TRPC4AP: variants seen among roughly 807,000 people sequenced by gnomAD.
TRPC4AP encodes the protein transient receptor potential cation channel subfamily C member 4 associated protein.
In TRPC4AP, 45 loss-of-function variants were observed where a neutral mutation model predicts 99.0. The ratio of observed to expected loss-of-function variants is 0.45; its 90% confidence interval spans 0.36 to 0.58. The LOEUF is 0.58. TRPC4AP is among the 20% of genes least tolerant of loss of function. The pLI, the probability that TRPC4AP is intolerant of heterozygous loss-of-function variation, is 0.00. For synonymous variants in TRPC4AP, 408 were observed against 385.8 expected (o/e 1.06, Z -0.67); for missense variants, 879 against 985.3 (o/e 0.89, Z 1.44).
chr20:35,092,056 G>C (rs1005639191), intron 1 of TRPC4AP, among the ~76,000 whole-genome samples: 1 of 152,052 alleles, frequency 6.6e-6, no homozygotes. Context: ...GCGAGAAAAA[G>C]GCAGACAACA....
At chr20:35,008,956 C>A (rs2082572778) in intron 12 of TRPC4AP, among the ~76,000 whole-genome samples, 1 of 152,212 alleles carries the variant, frequency 6.6e-6, no homozygotes. Context: ...CATCTCAGGC[C>A]AGCTTTCCTT....
At chr20:35,050,785 A>G (rs6088692) in intron 5 of TRPC4AP, among the ~76,000 whole-genome samples, 88,798 of 151,564 alleles carry the variant, frequency 0.59, 27,046 homozygotes, top group Middle Eastern at 0.74. Flanking sequence ...AAGGAAGTTA[A>G]GGAAACTAGC....
chr20:35,060,040 C>T (rs549638965), intron 3 of TRPC4AP, among the ~76,000 whole-genome samples: 2 of 151,626 alleles, frequency 1.3e-5, no homozygotes, highest in African/African-American at 4.8e-5. Context: ...AAAAAACTAC[C>T]CATAAAGAAA....
At chr20:35,039,413 T>C (rs983535532) in intron 7 of TRPC4AP, among the ~76,000 whole-genome samples, 31 of 152,208 alleles carry the variant, frequency 2.0e-4, no homozygotes, top group Non-Finnish European at 1.0e-4. Flanking sequence ...CAATCATACC[T>C]AGCAACTCAT....
At chr20:35,057,611 A>G in intron 3 of TRPC4AP, 40 bp from the exon 4 acceptor site, 1 of 1,497,970 alleles carries the variant, frequency 6.7e-7, no homozygotes, top group Non-Finnish European at 9.3e-7. Context: ...AATTAATTCA[A>G]AGTATAACTT....
chr20:35,088,801 T>C (rs1385613623), intron 1 of TRPC4AP, among the ~76,000 whole-genome samples: 3 of 152,122 alleles, frequency 2.0e-5, no homozygotes, highest in Non-Finnish European at 4.4e-5. Context: ...AGATGATCCT[T>C]GAGGACATTA....
chr20:35,027,044 G>T (rs2083048407), intron 8 of TRPC4AP, among the ~76,000 whole-genome samples: 1 of 151,800 alleles, frequency 6.6e-6, no homozygotes. Flanking sequence ...TCTTTTTCTT[G>T]CCTAACTGCC....
Position 35,051,035 on chromosome 20 carries a change from C to CACACAT in TRPC4AP, c.529-1042_529-1041insATGTGT, listed in dbSNP as rs758466593. ...GAAACTGCAGTACTGCTATAGCTTA[C>CACACAT]ACACACACACACACACACACACACA... On this transcript the variant is annotated intron_variant, in intron 5 of 18. Coordinates refer to ENST00000252015, the MANE Select transcript of TRPC4AP (RefSeq NM_015638.3). 2.7e-3 allele frequency among the ~76,000 whole-genome samples: 83 copies of CACACAT among 30,756 alleles called. 1 individual carries two copies. Among genetic ancestry groups the CACACAT allele is most frequent in the African/African-American group, 6.7e-3 (80 of 11,884 alleles). The allele number at this position is 30,756 out of a possible 152,430, so 20.2% of individuals were successfully genotyped here.
chr20:35,055,942 A>G (rs2083815758), intron 4 of TRPC4AP, among the ~76,000 whole-genome samples: 1 of 152,350 alleles, frequency 6.6e-6, no homozygotes, highest in South Asian at 2.1e-4. Flanking sequence ...AGATGATGAA[A>G]CTGAGTATGA....
At chr20:35,023,430 G>C (rs917648340) in intron 8 of TRPC4AP, among the ~76,000 whole-genome samples, 2 of 152,198 alleles carry the variant, frequency 1.3e-5, no homozygotes, top group Admixed American at 6.5e-5. Flanking sequence ...GTTTTTCTGC[G>C]AATGCTTGCT....
intron 9 of TRPC4AP, among the ~76,000 whole-genome samples, chr20:35,016,984 T>A (rs1471466251): frequency 2.0e-5 from 3 of 151,986 alleles, no homozygotes; most frequent in Non-Finnish European, 4.4e-5. Context: ...CAGGGAAGAG[T>A]GTTTGGCAGT....
intron 1 of TRPC4AP, among the ~76,000 whole-genome samples, chr20:35,081,292 C>G (rs1310167807): frequency 6.6e-6 from 1 of 151,766 alleles, no homozygotes; most frequent in Non-Finnish European, 1.5e-5. Context: ...ACAGACAGAT[C>G]ACTTGAGCCC....
chr20:35,030,154 T>A (rs2083147459), intron 8 of TRPC4AP, among the ~76,000 whole-genome samples: 1 of 147,220 alleles, frequency 6.8e-6, no homozygotes, highest in South Asian at 2.1e-4. Context: ...GGTAGGGGAA[T>A]CACTTGAACC....
chr20:35,043,454 C>T (rs1464684351), intron 7 of TRPC4AP, among the ~76,000 whole-genome samples: 2 of 152,132 alleles, frequency 1.3e-5, no homozygotes, highest in South Asian at 4.1e-4. Flanking sequence ...GCCATGTTGG[C>T]CAGGCTGGTC....
chr20:35,070,184 T>C (rs1299258915), intron 2 of TRPC4AP, among the ~76,000 whole-genome samples: 2 of 152,136 alleles, frequency 1.3e-5, no homozygotes, highest in African/African-American at 4.8e-5. Flanking sequence ...GAGGAGCCAC[T>C]CAGTCAACCA....
intron 3 of TRPC4AP, among the ~76,000 whole-genome samples, chr20:35,066,369 A>G (rs1228514145): frequency 1.3e-5 from 2 of 152,160 alleles, no homozygotes; most frequent in African/African-American, 4.8e-5. Context: ...GGCCTCCTAA[A>G]GTGCTGGGAT....
intron 3 of TRPC4AP, among the ~76,000 whole-genome samples, chr20:35,065,581 C>G (rs537481055): frequency 4.6e-4 from 70 of 152,304 alleles, no homozygotes; most frequent in African/African-American, 1.7e-3. Context: ...AGCAGCAGGA[C>G]AGCAAGAGAG....
chr20:35,046,894 A>C (rs1398536820), intron 6 of TRPC4AP, among the ~76,000 whole-genome samples: 1 of 151,558 alleles, frequency 6.6e-6, no homozygotes, highest in Non-Finnish European at 1.5e-5. Context: ...TTTAAGGCGG[A>C]GTCTCACTGT....
chr20:35,054,289 A>G (rs1265871604), intron 5 of TRPC4AP, among the ~76,000 whole-genome samples: 8 of 152,004 alleles, frequency 5.3e-5, no homozygotes, highest in Admixed American at 1.3e-4. Context: ...ACAGTTTATC[A>G]TAAGTTTCTA....
Sources: gnomAD v4.1 joint callset for allele counts (sites outside exome capture counted in the v4.1 genomes callset) on GRCh38, gnomAD v4.1.1 for gene constraint, MANE v1.5 for transcripts, NCBI Gene and HGNC (gene_info 2026-07-23, HGNC 2026-07-21) for gene names.